Variants in RFLNA observed in about 807,000 individuals in gnomAD.
The protein encoded by RFLNA is refilin A.
RFLNA carries 5 observed loss-of-function variants against 7.8 expected under a neutral mutation model. The ratio of observed to expected loss-of-function variants is 0.64; its 90% CI spans 0.34 to 1.35. RFLNA has a LOEUF of 1.35. Among genes scored for constraint, RFLNA ranks in the 40% most tolerant of loss-of-function variants. The pLI is 0.04. For synonymous variants in RFLNA, 141 were observed against 131.3 expected (o/e 1.07, Z -0.50); for missense variants, 278 against 305.5 (o/e 0.91, Z 0.67).
intron 1 of RFLNA, among the ~76,000 whole-genome samples, chr12:124,304,060 C>T (rs536729782): frequency 5.3e-5 from 8 of 152,248 alleles, no homozygotes; most frequent in Admixed American, 2.0e-4. Context: ...ACTTCAGGGC[C>T]GCAGTCTGCC....
At chr12:124,302,685 C>A (rs371883641) in intron 1 of RFLNA, among the ~76,000 whole-genome samples, 1 of 152,198 alleles carries the variant, frequency 6.6e-6, no homozygotes, top group South Asian at 2.1e-4. Flanking sequence ...CTTAGCCCAG[C>A]CCGTGCGCTT....
rs11057578 is a variant in RFLNA at position 124,307,525 on chromosome 12, G to A, written c.208-4293G>A. The stretch of plus-strand genomic sequence containing the variant: ...GCCTTGCCTGGCTGACACCTGCTTA[G>A]CCCCTCTCTCCCATTCCCCTGGAAG... On this transcript the variant is annotated intron_variant, in intron 1 of 2. Coordinates refer to ENST00000546355, the MANE Select transcript of RFLNA (RefSeq NM_001365156.1). Among the ~76,000 whole-genome samples the A allele has an allele frequency of 2.9e-3, 449 of 152,284 alleles. 2 individuals are homozygous for A. Among genetic ancestry groups the A allele is most frequent in the African/African-American group, 0.01 (427 of 41,542 alleles).
In RFLNA at chr12:124,298,085, G is replaced by A. The variant is rs546098831; in HGVS notation, c.207+2449G>A. On this transcript the variant is annotated intron_variant, in intron 1 of 2. Coordinates refer to ENST00000546355, the MANE Select transcript of RFLNA (RefSeq NM_001365156.1). ...CATGTGGGCCTCAGGTTCAGACCGCGTTTGGCAGGGTGGGTGTCTTTGTTC... is the reference window on the plus strand; with the variant it reads ...CATGTGGGCCTCAGGTTCAGACCGCATTTGGCAGGGTGGGTGTCTTTGTTC... 1.1e-4 allele frequency among the ~76,000 whole-genome samples: 17 copies of A among 152,314 alleles called. No individual in the cohort carries two copies. In the South Asian group the frequency reaches 2.7e-3, roughly 24 times the overall value.
chr12:124,309,855 G>A (rs1430310827), intron 1 of RFLNA, among the ~76,000 whole-genome samples: 1 of 152,204 alleles, frequency 6.6e-6, no homozygotes, highest in Non-Finnish European at 1.5e-5. Flanking sequence ...ACCTCAAGGA[G>A]AACATCTAGG....
chr12:124,291,828 C>T (rs539051395), upstream of RFLNA, among the ~76,000 whole-genome samples: 1 of 152,188 alleles, frequency 6.6e-6, no homozygotes, highest in African/African-American at 2.4e-5. Flanking sequence ...GCTTGGGGAG[C>T]CCTGGGCTGG....
intron 1 of RFLNA, 106 bp from the exon 2 acceptor site, chr12:124,311,712 C>T: frequency 8.9e-7 from 1 of 1,129,494 alleles, no homozygotes; most frequent in Non-Finnish European, 1.2e-6. Flanking sequence ...AGCTTCCAGA[C>T]CAAGCCAGGG....
Position 124,314,865 on chromosome 12 carries a change from G to T in RFLNA, c.*340G>T. 4.4e-6 allele frequency: 2 copies of T among 457,274 alleles called. No homozygotes were observed. The highest frequency in any genetic ancestry group is 8.5e-6 in the Non-Finnish European group (2 of 234,898). 28.3% of individuals were successfully genotyped at this position (457,274 alleles called of 1,614,324 possible). A position where few individuals can be genotyped will look rare whatever the true frequency, so the allele number is the denominator to read the frequency against. ...TGGAGTGCCCTTGAAGCAGAGAACAGCCCCGAGCAGTGTGAGGACAGAGGC... is the reference window on the plus strand; with the variant it reads ...TGGAGTGCCCTTGAAGCAGAGAACATCCCCGAGCAGTGTGAGGACAGAGGC... On this transcript the variant is annotated 3_prime_UTR_variant, in exon 3 of 3. Coordinates refer to ENST00000546355, the MANE Select transcript of RFLNA (RefSeq NM_001365156.1).
At chr12:124,296,639 CCA>C (rs1739090054) in intron 1 of RFLNA, among the ~76,000 whole-genome samples, 1 of 152,212 alleles carries the variant, frequency 6.6e-6, no homozygotes, top group South Asian at 2.1e-4. Flanking sequence ...ATCCTCCTCC[CCA>C]CAGCGGAAAG....
chr12:124,305,861 C>G (rs2034127805), intron 1 of RFLNA, among the ~76,000 whole-genome samples: 2 of 152,166 alleles, frequency 1.3e-5, no homozygotes, highest in African/African-American at 4.8e-5. Context: ...AGGAAGGGAG[C>G]AGCTGCCTCT....
intron 1 of RFLNA, among the ~76,000 whole-genome samples, chr12:124,299,154 T>C (rs951496607): frequency 9.2e-5 from 14 of 152,210 alleles, no homozygotes; most frequent in Non-Finnish European, 1.3e-4. Flanking sequence ...AATTAGAAAC[T>C]CAAATGAGAG....
chr12:124,290,810 C>A (rs570652957), upstream of RFLNA, among the ~76,000 whole-genome samples: 1 of 152,300 alleles, frequency 6.6e-6, no homozygotes, highest in African/African-American at 2.4e-5. This position sits in a 1 kb window ranked among gnomAD's most constrained non-coding sequence, Gnocchi z 4.0. Context: ...TCATTCACTA[C>A]CTTTATTATC....
chr12:124,312,882 T>C (rs541350388), intron 2 of RFLNA, among the ~76,000 whole-genome samples: 6 of 152,308 alleles, frequency 3.9e-5, no homozygotes, highest in African/African-American at 1.4e-4. Context: ...TGCCCTCCTC[T>C]GAAGCTGCTG....
At position 124,314,445 on chromosome 12, in the gene RFLNA, A is replaced by G; in HGVS notation, c.571A>G (p.Ser191Gly). Residue 191 changes from serine to glycine, a missense_variant, in exon 3 of 3, where the codon AGC (serine) becomes GGC (glycine). Physicochemically the swap from Ser to Gly is moderately conservative, Grantham distance 56. Coordinates refer to ENST00000546355, the MANE Select transcript of RFLNA (RefSeq NM_001365156.1). ...CCTGCACTGCAGCCTGGGCCGGCCC[A>G]GCCGCTGGTTCACCGCCAGCGTGCA... ...TTLHCSLGRP[S>G]RWFTASVQLQ... 1 of 1,602,136 alleles carries G rather than the reference A, an allele frequency of 6.2e-7. No individual in the cohort carries two copies.
At chr12:124,294,886 G>A (rs1246169259), upstream of RFLNA, among the ~76,000 whole-genome samples, 1 of 152,238 alleles carries the variant, frequency 6.6e-6, no homozygotes, top group Non-Finnish European at 1.5e-5. Flanking sequence ...GGCACCCTCG[G>A]TGCGCCAGTG....
chr12:124,290,413 T>C (rs1593019982), upstream of RFLNA, among the ~76,000 whole-genome samples: 2 of 152,190 alleles, frequency 1.3e-5, no homozygotes, highest in African/African-American at 4.8e-5. This position sits in a 1 kb window ranked among gnomAD's most constrained non-coding sequence, Gnocchi z 4.0. Flanking sequence ...TGTGTATATG[T>C]AGGTACATGT....
intron 1 of RFLNA, among the ~76,000 whole-genome samples, chr12:124,301,809 C>G (rs1436097619): frequency 6.6e-6 from 1 of 152,200 alleles, no homozygotes; most frequent in Non-Finnish European, 1.5e-5. Flanking sequence ...GGCCCCCACT[C>G]TGTTATTGGC....
At chr12:124,309,192 G>A (rs2034191537) in intron 1 of RFLNA, among the ~76,000 whole-genome samples, 2 of 152,120 alleles carry the variant, frequency 1.3e-5, no homozygotes, top group Admixed American at 1.3e-4. Context: ...TGGGGCCACA[G>A]TGGACTCTGC....
rs748091669 is a variant in RFLNA, at chr12:124,311,941, T to G, written c.317+14T>G. On this transcript the variant is annotated intron_variant, in intron 2 of 2. Transcript: ENST00000546355. The stretch of plus-strand genomic sequence containing the variant: ...GCATGAGATCCGGTGAGTGGGCCAC[T>G]GGGCTCTGCGCGGGAGGAGGGGGTG... 1.1e-4 allele frequency: 74 copies of G among 654,314 alleles called. No homozygotes were observed. Among genetic ancestry groups the G allele is most frequent in the Non-Finnish European group, 1.6e-4 (68 of 420,718 alleles). The allele number at this position is 654,314 out of a possible 1,614,324, so 40.5% of individuals were successfully genotyped here.
chr12:124,304,798 C>T (rs1253617935), intron 1 of RFLNA, among the ~76,000 whole-genome samples: 1 of 152,220 alleles, frequency 6.6e-6, no homozygotes, highest in Non-Finnish European at 1.5e-5. Flanking sequence ...GTTTATGTCC[C>T]CTTCCACACT....
Sources: gnomAD v4.1 joint callset for allele counts (sites outside exome capture counted in the v4.1 genomes callset) on GRCh38, gnomAD v4.1.1 for gene constraint, Gnocchi (gnomAD v3.1) non-coding constraint, MANE v1.5 for transcripts, NCBI Gene and HGNC (gene_info 2026-07-23, HGNC 2026-07-21) for gene names.